The following PFKFB3 variants were observed in gnomAD, a reference collection of about 807,000 sequenced individuals.
The protein encoded by PFKFB3 is 6-phosphofructo-2-kinase/fructose-2,6-bisphosphatase 3.
Under a neutral mutation model 68.0 loss-of-function variants are expected in PFKFB3, and 33 were observed. The observed-to-expected ratio is 0.49, with a 90% CI of 0.37 to 0.65. The LOEUF (loss-of-function observed/expected upper bound fraction) is 0.65. Among genes scored for constraint, PFKFB3 ranks in the 30% least tolerant of loss-of-function variants. The pLI, the probability that PFKFB3 is intolerant of heterozygous loss-of-function variation, is 0.00. For missense variants in PFKFB3, 586 were observed against 712.2 expected (o/e 0.82, Z 2.02); for synonymous variants, 315 against 288.2 (o/e 1.09, Z -0.94).
intron 1 of PFKFB3, among the ~76,000 whole-genome samples, chr10:6,176,462 C>T (rs1051075976): frequency 2.0e-5 from 3 of 152,154 alleles, no homozygotes; most frequent in Admixed American, 6.5e-5. Context: ...GGCTGGAGTA[C>T]AGTGGGCCCA....
the PFKFB3 span, among the ~76,000 whole-genome samples, chr10:6,279,749 C>T: frequency 6.6e-6 from 1 of 152,162 alleles, no homozygotes; most frequent in African/African-American, 2.4e-5. Flanking sequence ...AAATTTCCAG[C>T]CATTTGACAA....
intron 1 of PFKFB3, among the ~76,000 whole-genome samples, chr10:6,155,207 T>TTTTA (rs769239019): frequency 9.7e-6 from 1 of 102,734 alleles, no homozygotes; most frequent in African/African-American, 4.3e-5. Context: ...GTTTTTTTCT[T>TTTTA]TTTTTTTTTT....
chr10:6,223,057 A>G, intron 11 of PFKFB3, 73 bp downstream of exon 11: 2 of 1,488,786 alleles, frequency 1.3e-6, no homozygotes, highest in Admixed American at 1.9e-5. Flanking sequence ...TCAGCCGCAG[A>G]CCTGCCGTGG....
At chr10:6,191,793 G>A (rs1352708733) in intron 1 of PFKFB3, among the ~76,000 whole-genome samples, 1 of 152,082 alleles carries the variant, frequency 6.6e-6, no homozygotes, top group Non-Finnish European at 1.5e-5. Flanking sequence ...CAGGAGCAAC[G>A]CGATGCACGA....
intron 14 of PFKFB3, among the ~76,000 whole-genome samples, chr10:6,230,366 A>G (rs2132040383): frequency 6.6e-6 from 1 of 152,080 alleles, no homozygotes; most frequent in East Asian, 1.9e-4. Context: ...TCTTGGTTCT[A>G]CTCCTCCTGG....
At chr10:6,176,931 G>A (rs141000776) in intron 1 of PFKFB3, among the ~76,000 whole-genome samples, 157 of 152,310 alleles carry the variant, frequency 1.0e-3, no homozygotes, top group African/African-American at 3.4e-3. Context: ...TGGGACTCAC[G>A]AGTGAGTTCC....
Position 6,228,527 on chromosome 10 carries a change from G to A in PFKFB3, c.1515+2162G>A, listed in dbSNP as rs772957868. On this transcript the variant is annotated intron_variant, in intron 14 of 14. Coordinates refer to ENST00000379775, the MANE Select transcript of PFKFB3 (RefSeq NM_004566.4). This position sits in a 1 kb window ranked among gnomAD's most constrained non-coding sequence, Gnocchi z 4.5. Reference sequence around the variant, plus strand: ...GTGTAATGGCCGTGGTTTAGGGCTCGGCATAAATCCACATTTCCTTATCAG... The same window carrying A: ...GTGTAATGGCCGTGGTTTAGGGCTCAGCATAAATCCACATTTCCTTATCAG... 1.3e-5 allele frequency among the ~76,000 whole-genome samples: 2 copies of A among 151,998 alleles called. No homozygotes were observed. Among genetic ancestry groups the A allele is most frequent in the African/African-American group, 4.8e-5 (2 of 41,348 alleles).
chr10:6,225,033 A>G (rs1262482985), intron 13 of PFKFB3: 1 of 438,804 alleles, frequency 2.3e-6, no homozygotes, highest in South Asian at 1.6e-5. Context: ...CTGGCCGTGC[A>G]GCTGCTGTCT....
Position 6,146,534 on chromosome 10 carries a change from A to G in PFKFB3, c.16+1521A>G, listed in dbSNP as rs1841394445. On this transcript the variant is annotated intron_variant, in intron 1 of 14. Coordinates refer to the PFKFB3 transcript ENST00000379789. ...CACCTTGACTCTGTGGGTTCTCTGG[A>G]GGCTCTCAGAGTGTCCCTCCCCCCC... 6 of 1,516,014 alleles carry G rather than the reference A, an allele frequency of 4.0e-6. No individual in the cohort carries two copies. In the East Asian group the frequency reaches 1.5e-4, roughly 37 times the overall value. 93.9% of individuals were successfully genotyped at this position (1,516,014 alleles called of 1,614,324 possible).
At chr10:6,240,068 T>G (rs910909318), downstream of PFKFB3, among the ~76,000 whole-genome samples, 2 of 152,162 alleles carry the variant, frequency 1.3e-5, no homozygotes, top group Admixed American at 6.5e-5. Flanking sequence ...TAAAACAGAC[T>G]GAGAAGTTTG....
the PFKFB3 span, among the ~76,000 whole-genome samples, chr10:6,325,255 C>T: frequency 6.6e-6 from 1 of 152,196 alleles, no homozygotes; most frequent in Admixed American, 6.5e-5. Context: ...TGAACCACTG[C>T]GCCCAGCCTG....
the PFKFB3 span, among the ~76,000 whole-genome samples, chr10:6,267,767 C>T: frequency 6.6e-6 from 1 of 151,662 alleles, no homozygotes; most frequent in African/African-American, 2.4e-5. Context: ...CCAGCCTGGC[C>T]AACATGGTGA....
At chr10:6,283,883 C>T in the PFKFB3 span, among the ~76,000 whole-genome samples, 3 of 152,148 alleles carry the variant, frequency 2.0e-5, no homozygotes, top group African/African-American at 7.2e-5. Flanking sequence ...TGGCAGGATT[C>T]AGTCAGATCA....
intron 1 of PFKFB3, among the ~76,000 whole-genome samples, chr10:6,193,499 A>G (rs959790260): frequency 5.3e-5 from 8 of 152,242 alleles, no homozygotes; most frequent in African/African-American, 1.7e-4. Flanking sequence ...CTGGTGATTC[A>G]AAGATGAACA....
chr10:6,245,518 G>A (rs977496671), intron 14 of PFKFB3, among the ~76,000 whole-genome samples: 1 of 151,942 alleles, frequency 6.6e-6, no homozygotes, highest in African/African-American at 2.4e-5. Context: ...CTAGGTTCAA[G>A]GGATCCTCCG....
chr10:6,319,600 A>G, the PFKFB3 span, among the ~76,000 whole-genome samples: 3 of 152,208 alleles, frequency 2.0e-5, no homozygotes, highest in African/African-American at 4.8e-5. Context: ...CTTCACCACT[A>G]TGTCAAATAT....
the PFKFB3 span, among the ~76,000 whole-genome samples, chr10:6,270,833 A>C: frequency 0.16 from 23,655 of 152,128 alleles, 2,215 homozygotes; most frequent in Middle Eastern, 0.21. Context: ...AGACTTAAGC[A>C]CCTTGAGAGT....
the PFKFB3 span, among the ~76,000 whole-genome samples, chr10:6,262,097 A>G: frequency 1.3e-5 from 2 of 152,068 alleles, no homozygotes; most frequent in Non-Finnish European, 2.9e-5. Context: ...ACAAACCCCT[A>G]TGACATGAGT....
chr10:6,225,820 C>T (rs908419077), intron 13 of PFKFB3, among the ~76,000 whole-genome samples: 1 of 152,192 alleles, frequency 6.6e-6, no homozygotes, highest in African/African-American at 2.4e-5. Context: ...CAGGCCCAGC[C>T]TCTCCCTCCT....
Sources: gnomAD v4.1 joint callset for allele counts (sites outside exome capture counted in the v4.1 genomes callset) on GRCh38, gnomAD v4.1.1 for gene constraint, Gnocchi (gnomAD v3.1) non-coding constraint, MANE v1.5 for transcripts, NCBI Gene and HGNC (gene_info 2026-07-23, HGNC 2026-07-21) for gene names.